ARID1A: variants seen among roughly 807,000 people sequenced by gnomAD.
The protein encoded by ARID1A is AT-rich interaction domain 1A.
Under a neutral mutation model 212.6 loss-of-function variants are expected in ARID1A, and 20 were observed. The observed-to-expected ratio is 0.09, with a 90% CI of 0.07 to 0.14. The LOEUF is 0.14. Ranked by LOEUF, ARID1A falls within the 10% of genes least tolerant of loss-of-function variation. ARID1A has a pLI of 1.00. For missense variants in ARID1A, 2,587 were observed against 3,059.0 expected, an observed-to-expected ratio of 0.85 and a Z score of 3.64; for synonymous variants, 1,376 against 1,222.1, an observed-to-expected ratio of 1.13 and a Z score of -2.63.
chr1:26,756,871 T>C (rs2080943324), intron 4 of ARID1A, among the ~76,000 whole-genome samples: 1 of 151,644 alleles, frequency 6.6e-6, no homozygotes, highest in Non-Finnish European at 1.5e-5. Flanking sequence ...TCTGGCTAAT[T>C]TTTTGTATTT....
chr1:26,728,076 TTTAG>T (rs1404461353), intron 1 of ARID1A, among the ~76,000 whole-genome samples: 1 of 152,186 alleles, frequency 6.6e-6, no homozygotes, highest in East Asian at 1.9e-4. Context: ...GCAAAAATTG[TTTAG>T]TTAGGATTGT....
intron 1 of ARID1A, among the ~76,000 whole-genome samples, chr1:26,697,907 C>T (rs1033803611): frequency 9.2e-5 from 14 of 151,988 alleles, no homozygotes; most frequent in African/African-American, 3.1e-4. Context: ...GTGGTAGGAG[C>T]CCAGGAGTTG....
At chr1:26,772,681 G>C (rs775246305) in intron 13 of ARID1A, 49 bp downstream of exon 13, 1 of 1,613,656 alleles carries the variant, frequency 6.2e-7, no homozygotes, top group Non-Finnish European at 8.5e-7. Context: ...CTGAAGATAA[G>C]TGCATGGGAA....
chr1:26,746,337 T>C (rs2080835139), intron 4 of ARID1A, among the ~76,000 whole-genome samples: 1 of 152,198 alleles, frequency 6.6e-6, no homozygotes, highest in African/African-American at 2.4e-5. Flanking sequence ...CCTTCACCTA[T>C]TCCCCCTTGC....
intron 1 of ARID1A, among the ~76,000 whole-genome samples, chr1:26,727,504 G>A (rs1393328310): frequency 6.6e-6 from 1 of 152,166 alleles, no homozygotes. Flanking sequence ...TGCTTCTCTA[G>A]ATCACTGGTT....
chr1:26,773,055 T>C (rs967328692), intron 14 of ARID1A, 68 bp downstream of exon 14: 1 of 1,552,900 alleles, frequency 6.4e-7, no homozygotes, highest in African/African-American at 1.4e-5. Context: ...GGGGGAAATC[T>C]TGAGAATGGC....
At chr1:26,733,917 C>T (rs1239878637) in intron 4 of ARID1A, among the ~76,000 whole-genome samples, 1 of 152,188 alleles carries the variant, frequency 6.6e-6, no homozygotes, top group African/African-American at 2.4e-5. Context: ...TGAAGCCTCC[C>T]ATGGATTCCC....
chr1:26,728,239 A>C (rs1361581004), intron 1 of ARID1A, among the ~76,000 whole-genome samples: 4 of 152,204 alleles, frequency 2.6e-5, no homozygotes, highest in African/African-American at 9.7e-5. Context: ...CCTAAGAAAT[A>C]ACTCTGCTTC....
rs1160233717 is a variant in ARID1A at position 26,763,250 on chromosome 1, C to T, written c.2697C>T (p.Val899=). ...ACCGGAAAACCCAAGAAACTGCTGT[C>T]GCCATGCATGTTGCTGCCAACTCTA... The part of the protein sequence containing the change: ...GMNRKTQETA[V]AMHVAANSIQ... Residue 899 remains valine (V), a synonymous_variant, in exon 8 of 20, where the codon GTC becomes GTT. Transcript: ENST00000324856. The T allele has an allele frequency of 2.2e-5, 35 of 1,611,444 alleles. No individual in the cohort carries two copies. The highest frequency in any genetic ancestry group is 4.4e-5 in the South Asian group (4 of 90,904).
chr1:26,734,851 G>T (rs1057311258), intron 4 of ARID1A, among the ~76,000 whole-genome samples: 1 of 152,160 alleles, frequency 6.6e-6, no homozygotes, highest in Non-Finnish European at 1.5e-5. Context: ...ATGTTTATGA[G>T]GTACCTATTG....
chr1:26,746,717 C>T (rs2080838326), intron 4 of ARID1A, among the ~76,000 whole-genome samples: 1 of 151,890 alleles, frequency 6.6e-6, no homozygotes, highest in South Asian at 2.1e-4. Context: ...CATGGTGAAA[C>T]CCTGTTTTAG....
intron 1 of ARID1A, among the ~76,000 whole-genome samples, chr1:26,705,818 G>T (rs1466038605): frequency 1.3e-5 from 2 of 152,182 alleles, no homozygotes; most frequent in Non-Finnish European, 2.9e-5. Context: ...TTAGTCACTT[G>T]TGCATAGCTG....
intron 4 of ARID1A, among the ~76,000 whole-genome samples, chr1:26,743,340 A>G (rs1162678711): frequency 1.3e-5 from 2 of 152,036 alleles, no homozygotes; most frequent in South Asian, 2.1e-4. Context: ...CCCCATTTTC[A>G]TATTGGCATA....
intron 1 of ARID1A, among the ~76,000 whole-genome samples, chr1:26,710,490 T>TGCATACACACAC (rs2080441157): frequency 1.0e-4 from 1 of 9,676 alleles, no homozygotes; most frequent in African/African-American, 3.0e-4. Context: ...AATAAAATAA[T>TGCATACACACAC]ACATACACAC....
In ARID1A at chr1:26,781,091, TAAAATA is replaced by T; in HGVS notation, c.*341_*346del. 7.6e-6 allele frequency: 2 copies of T among 264,604 alleles called. No individual in the cohort carries two copies. The highest frequency in any genetic ancestry group is 1.4e-5 in the Non-Finnish European group (2 of 145,052). The allele number at this position is 264,604 out of a possible 1,614,324, so 16.4% of individuals were successfully genotyped here. A position where few individuals can be genotyped will look rare whatever the true frequency, so the allele number is the denominator to read the frequency against. On this transcript the variant is annotated 3_prime_UTR_variant, in exon 20 of 20. Coordinates refer to ENST00000324856, the MANE Select transcript of ARID1A (RefSeq NM_006015.6). Reference sequence around the variant, plus strand: ...TTACAGTGAGTTTGGGGAAAAAAAATAAAATAAAAATGGCTTTCCCAGTCCTTGCAT... The same window carrying T: ...TTACAGTGAGTTTGGGGAAAAAAAATAAAATGGCTTTCCCAGTCCTTGCAT...
At chr1:26,711,639 A>C (rs1402774107) in intron 1 of ARID1A, among the ~76,000 whole-genome samples, 2 of 152,212 alleles carry the variant, frequency 1.3e-5, no homozygotes, top group South Asian at 2.1e-4. Flanking sequence ...TGCAGTGATA[A>C]GTTCTAGTCA....
At chr1:26,766,623 G>A in intron 10 of ARID1A, 57 bp downstream of exon 10, 1 of 1,482,246 alleles carries the variant, frequency 6.7e-7, no homozygotes, top group Admixed American at 2.2e-5. Flanking sequence ...TTCAGTGATA[G>A]GAAGGAAAAA....
intron 1 of ARID1A, among the ~76,000 whole-genome samples, chr1:26,704,965 T>G (rs2080374606): frequency 6.6e-6 from 1 of 152,070 alleles, no homozygotes; most frequent in Admixed American, 6.5e-5. Flanking sequence ...AATATAGTGA[T>G]TTTGGTTTCT....
intron 8 of ARID1A, 65 bp from the exon 9 acceptor site, chr1:26,766,155 TC>T: frequency 6.5e-7 from 1 of 1,549,358 alleles, no homozygotes; most frequent in Non-Finnish European, 8.7e-7. Context: ...ACTATTTGGC[TC>T]CAGTTCAAAT....
Sources: allele counts gnomAD v4.1 joint callset (sites outside exome capture counted in the v4.1 genomes callset), GRCh38; gene constraint gnomAD v4.1.1; transcripts MANE v1.5; gene names NCBI Gene and HGNC (gene_info 2026-07-23, HGNC 2026-07-21).